Variants in MPP4 observed in about 807,000 individuals in gnomAD.
The protein encoded by MPP4 is MAGUK p55 subfamily member 4.
Under a neutral mutation model 98.3 loss-of-function variants are expected in MPP4, and 91 were observed. The ratio of observed to expected loss-of-function variants is 0.93; its 90% confidence interval spans 0.78 to 1.10. MPP4 has a LOEUF of 1.10. MPP4 is among the 50% of genes least tolerant of loss of function. The pLI is 0.00. For missense variants in MPP4, 744 were observed against 792.9 expected (o/e 0.94, Z 0.74); for synonymous variants, 261 against 271.8 (o/e 0.96, Z 0.39).
chr2:201,657,609 G>GTTTTTTTTT (rs745412884), intron 16 of MPP4, among the ~76,000 whole-genome samples: 4 of 111,688 alleles, frequency 3.6e-5, no homozygotes, highest in Non-Finnish European at 7.4e-5. Context: ...TTGTTTTTTT[G>GTTTTTTTTT]TTTTTTTTTG....
intron 1 of MPP4, among the ~76,000 whole-genome samples, chr2:201,695,869 T>C (rs1689165501): frequency 6.6e-6 from 1 of 151,664 alleles, no homozygotes; most frequent in Non-Finnish European, 1.5e-5. Context: ...GCGGTGGGGG[T>C]AGGGACCAAC....
intron 10 of MPP4, among the ~76,000 whole-genome samples, chr2:201,679,497 C>T (rs1688609678): frequency 6.6e-6 from 1 of 152,140 alleles, no homozygotes; most frequent in Non-Finnish European, 1.5e-5. Flanking sequence ...GAGAGAACTT[C>T]CACAAGTGCC....
chr2:201,693,802 T>G, intron 2 of MPP4, 74 bp downstream of exon 2: 1 of 1,555,160 alleles, frequency 6.4e-7, no homozygotes, highest in African/African-American at 1.4e-5. Flanking sequence ...TCAGGATTTC[T>G]GCCTATTCAT....
intron 10 of MPP4, 90 bp from the exon 11 acceptor site, chr2:201,675,361 A>G: frequency 1.6e-6 from 2 of 1,276,754 alleles, no homozygotes; most frequent in Admixed American, 4.1e-5. Flanking sequence ...AACGACAAAC[A>G]GAATGTTTCT....
chr2:201,648,293 AG>A (rs1259842759), intron 20 of MPP4, among the ~76,000 whole-genome samples: 1 of 152,206 alleles, frequency 6.6e-6, no homozygotes, highest in Non-Finnish European at 1.5e-5. Context: ...AAGGGATTAT[AG>A]GCATGAGCCA....
intron 18 of MPP4, among the ~76,000 whole-genome samples, chr2:201,654,024 T>G (rs969236525): frequency 1.3e-5 from 2 of 152,030 alleles, no homozygotes; most frequent in African/African-American, 4.8e-5. Flanking sequence ...TCGCCCAGAC[T>G]GGAGTGCAAT....
intron 15 of MPP4, among the ~76,000 whole-genome samples, chr2:201,658,950 G>A (rs914437688): frequency 1.3e-5 from 2 of 152,146 alleles, no homozygotes; most frequent in Non-Finnish European, 2.9e-5. Context: ...ACTCTGGAGT[G>A]CAATGGCACG....
In MPP4 at chr2:201,660,584, G is replaced by A. The variant is rs373834606; in HGVS notation, c.1073-238C>T. On this transcript the variant is annotated intron_variant, in intron 14 of 21. Transcript: ENST00000409474. ...ACTTTTTCTGAAAGTTGCCTATCAA[G>A]ACTCTCCCTGAAGGCTTTTTAACTC... 5.1e-4 allele frequency among the ~76,000 whole-genome samples: 77 copies of A among 152,262 alleles called. 1 individual carries two copies. Among genetic ancestry groups the A allele is most frequent in the East Asian group, 4.1e-3 (21 of 5,174 alleles).
chr2:201,659,551 A>G lies in MPP4; in HGVS notation c.1087+781T>C, dbSNP rs1229897177. Among the ~76,000 whole-genome samples, 5 of 152,278 alleles carry G rather than the reference A, an allele frequency of 3.3e-5. No individual in the cohort carries two copies. In the South Asian group the frequency reaches 6.2e-4, roughly 19 times the overall value. On this transcript the variant is annotated intron_variant, in intron 15 of 21. Transcript: ENST00000409474. ...TGCTCTGATCATTGAAATAATATAT[A>G]GCCAGGTGCAGTGGCTCATGCCTGT...
At chr2:201,647,561 G>A in intron 21 of MPP4, 130 bp downstream of exon 21, 1 of 855,436 alleles carries the variant, frequency 1.2e-6, no homozygotes, top group East Asian at 2.5e-5. Context: ...TTTATTGAGG[G>A]CCTTTTGGAG....
intron 5 of MPP4, 134 bp downstream of exon 5, chr2:201,687,157 T>C: frequency 2.8e-6 from 2 of 713,712 alleles, no homozygotes; most frequent in South Asian, 3.7e-5. Context: ...TTAAGTACAA[T>C]CTGTTGGTCA....
At chr2:201,674,253 G>C (rs548551813) in intron 11 of MPP4, among the ~76,000 whole-genome samples, 2 of 152,220 alleles carry the variant, frequency 1.3e-5, no homozygotes, top group Non-Finnish European at 2.9e-5. Context: ...CATATGAGCT[G>C]CAGAGATCTT....
In MPP4 at chr2:201,657,951, CTTGTTTTTTTTTTTT is replaced by C. The variant is rs1395818533; in HGVS notation, c.1129+511_1129+525del. Among the ~76,000 whole-genome samples the C allele has an allele frequency of 6.7e-5, 10 of 150,266 alleles. No individual in the cohort carries two copies. In the East Asian group the frequency reaches 1.2e-3, roughly 18 times the overall value. On this transcript the variant is annotated intron_variant, in intron 16 of 21. Transcript: ENST00000409474. Reference sequence around the variant, plus strand: ...TGAAAGCAATACAGAAAGGTGGCCCCTTGTTTTTTTTTTTTTTGTTTTTTTTTTTTCACGCTCCCC... The same window carrying C: ...TGAAAGCAATACAGAAAGGTGGCCCCTTGTTTTTTTTTTTTCACGCTCCCC...
intron 17 of MPP4, among the ~76,000 whole-genome samples, chr2:201,655,139 G>C (rs991998323): frequency 5.9e-5 from 9 of 152,212 alleles, no homozygotes; most frequent in Non-Finnish European, 1.2e-4. Flanking sequence ...ATTCAGGAAT[G>C]AGGTAAGGAA....
At chr2:201,684,188 C>T (rs1688748998) in intron 7 of MPP4, among the ~76,000 whole-genome samples, 1 of 148,856 alleles carries the variant, frequency 6.7e-6, no homozygotes, top group Admixed American at 6.7e-5. Flanking sequence ...CCCTGCACTC[C>T]AGCCTGAGCA....
At chr2:201,678,466 C>A (rs1265018941) in intron 10 of MPP4, among the ~76,000 whole-genome samples, 1 of 152,196 alleles carries the variant, frequency 6.6e-6, no homozygotes, top group East Asian at 1.9e-4. Flanking sequence ...CCAACTCTCC[C>A]TGTGGTCTGC....
At chr2:201,663,839 A>T (rs1398486165) in intron 14 of MPP4, among the ~76,000 whole-genome samples, 2 of 152,202 alleles carry the variant, frequency 1.3e-5, no homozygotes. Flanking sequence ...CCATGATCAC[A>T]CCACTGCACT....
chr2:201,681,431 C>T, intron 9 of MPP4, 65 bp downstream of exon 9: 1 of 1,262,154 alleles, frequency 7.9e-7, no homozygotes, highest in Admixed American at 1.7e-5. Context: ...TATTACGCAT[C>T]ATATTTAGTT....
intron 7 of MPP4, among the ~76,000 whole-genome samples, chr2:201,683,551 C>A (rs1391032096): frequency 1.3e-5 from 2 of 152,126 alleles, no homozygotes; most frequent in Middle Eastern, 3.4e-3. Flanking sequence ...AAGTTCAAGA[C>A]CAGCCTTGCC....
Sources: gnomAD v4.1 joint callset for allele counts (sites outside exome capture counted in the v4.1 genomes callset) on GRCh38, gnomAD v4.1.1 for gene constraint, MANE v1.5 for transcripts, NCBI Gene and HGNC (gene_info 2026-07-23, HGNC 2026-07-21) for gene names.